Variants in DRG1 observed in about 807,000 individuals in gnomAD.
DRG1 encodes developmentally regulated GTP binding protein 1.
DRG1 carries 19 observed loss-of-function variants against 38.8 expected under a neutral mutation model. That is an observed-to-expected ratio of 0.49 (90% CI 0.34 to 0.72). The LOEUF (loss-of-function observed/expected upper bound fraction) is 0.72, where lower values mean the gene tolerates loss of function less well. DRG1 is among the 30% of genes least tolerant of loss of function. The pLI, the probability that DRG1 is intolerant of heterozygous loss-of-function variation, is 0.01. For synonymous variants in DRG1, 167 were observed against 157.5 expected (o/e 1.06, Z -0.45); for missense variants, 299 against 444.8 (o/e 0.67, Z 2.95).
At chr22:31,412,379 C>CA (rs2050022886) in intron 4 of DRG1, among the ~76,000 whole-genome samples, 1 of 127,610 alleles carries the variant, frequency 7.8e-6, no homozygotes, top group East Asian at 2.3e-4. Flanking sequence ...GAGATGGAGT[C>CA]TCGCTCTGTC....
At chr22:31,420,079 A>G (rs2050067725) in intron 4 of DRG1, among the ~76,000 whole-genome samples, 177 bp from the exon 5 acceptor site, 1 of 152,210 alleles carries the variant, frequency 6.6e-6, no homozygotes, top group African/African-American at 2.4e-5. Context: ...CATACAAAGC[A>G]AATTGACTTC....
At chr22:31,427,329 T>A in intron 8 of DRG1, 147 bp downstream of exon 8, 1 of 1,111,884 alleles carries the variant, frequency 9.0e-7, no homozygotes, top group Non-Finnish European at 1.2e-6. Flanking sequence ...AGTGTCTTCT[T>A]AAAACCGTGC....
In DRG1 at chr22:31,429,456, C is replaced by T. The variant is rs1176803025; in HGVS notation, c.1004+2274C>T. 2.0e-5 allele frequency among the ~76,000 whole-genome samples: 3 copies of T among 151,918 alleles called. 1 individual carries two copies. The highest frequency in any genetic ancestry group is 4.1e-4 in the South Asian group (2 of 4,826). On this transcript the variant is annotated intron_variant, in intron 8 of 8. Transcript: ENST00000331457. ...TTCTTTATTTTCCTTTTTTATTTTA[C>T]ATTTATTTATTGGACTTCTGTGTGT...
intron 5 of DRG1, among the ~76,000 whole-genome samples, chr22:31,422,079 C>A (rs1006593857): frequency 2.0e-5 from 3 of 151,272 alleles, no homozygotes; most frequent in Non-Finnish European, 2.9e-5. Flanking sequence ...CCACTGCACT[C>A]CAGCCTGGTG....
At chr22:31,424,513 T>TG (rs71202077) in intron 6 of DRG1, among the ~76,000 whole-genome samples, 1 of 108,954 alleles carries the variant, frequency 9.2e-6, no homozygotes, top group Non-Finnish European at 2.0e-5. Flanking sequence ...TTTTTTTTTT[T>TG]GTGAGACAAG....
chr22:31,413,079 G>A (rs1404018441), intron 4 of DRG1, among the ~76,000 whole-genome samples: 1 of 151,776 alleles, frequency 6.6e-6, no homozygotes, highest in African/African-American at 2.4e-5. Flanking sequence ...CTGGACTTCT[G>A]GGTTTATAAT....
intron 8 of DRG1, among the ~76,000 whole-genome samples, chr22:31,428,109 C>T (rs563126847): frequency 1.9e-4 from 29 of 152,302 alleles, no homozygotes; most frequent in Non-Finnish European, 3.2e-4. Context: ...GCTTCAGCCT[C>T]CCAAAGTGTT....
At chr22:31,410,882 C>A in intron 3 of DRG1, 130 bp from the exon 4 acceptor site, 1 of 882,302 alleles carries the variant, frequency 1.1e-6, no homozygotes, top group South Asian at 1.7e-5. Flanking sequence ...CACACACTCG[C>A]TTATAAGGAA....
At chr22:31,429,391 TAC>T (rs1174815596) in intron 8 of DRG1, among the ~76,000 whole-genome samples, 1 of 152,160 alleles carries the variant, frequency 6.6e-6, no homozygotes, top group Non-Finnish European at 1.5e-5. Context: ...GTGCTGGGAT[TAC>T]ACACAGGCAT....
chr22:31,430,119 T>C (rs549680584), intron 8 of DRG1, among the ~76,000 whole-genome samples: 2 of 152,306 alleles, frequency 1.3e-5, no homozygotes, highest in East Asian at 3.9e-4. Context: ...TTGCCTGCAC[T>C]AGCCCTGAAA....
At chr22:31,431,746 CA>C (rs2050140464) in intron 8 of DRG1, among the ~76,000 whole-genome samples, 3 of 152,170 alleles carry the variant, frequency 2.0e-5, no homozygotes, top group Admixed American at 2.0e-4. Flanking sequence ...TATTGACCTT[CA>C]GATCCTTACA....
chr22:31,433,270 G>A (rs569871793), intron 8 of DRG1, among the ~76,000 whole-genome samples: 15 of 137,156 alleles, frequency 1.1e-4, no homozygotes, highest in South Asian at 4.9e-4. Flanking sequence ...GATTAAAGAC[G>A]GATTTTTTTT....
intron 5 of DRG1, among the ~76,000 whole-genome samples, chr22:31,422,587 T>G (rs1469750669): frequency 6.6e-6 from 1 of 152,206 alleles, no homozygotes; most frequent in Non-Finnish European, 1.5e-5. Context: ...TCTGTCAGAA[T>G]TGAGGACTGA....
chr22:31,403,524 G>A (rs1215463942), intron 3 of DRG1, among the ~76,000 whole-genome samples: 1 of 151,990 alleles, frequency 6.6e-6, no homozygotes, highest in Non-Finnish European at 1.5e-5. Flanking sequence ...AAAATTAGCC[G>A]GGTGTAGTGG....
Position 31,420,286 on chromosome 22 carries a change from T to A in DRG1, c.443T>A (p.Val148Asp). 6.2e-7 allele frequency: 1 copy of A among 1,614,192 alleles called. No individual in the cohort carries two copies. The highest frequency in any genetic ancestry group is 8.5e-7 in the Non-Finnish European group (1 of 1,180,028). The stretch of plus-strand genomic sequence containing the variant: ...CGAACCTGTAACTTGATCTTGATTG[T>A]TCTGGATGTCCTGAAACCTTTGGGA... ...VARTCNLILI[V>D]LDVLKPLGHK... The change falls in exon 5 of 9, where the codon GTT becomes GAT. Residue 148 changes from valine (V) to aspartate (D), a missense_variant. By Grantham distance (152) the Val-to-Asp change is radical. This residue lies in a region of DRG1 where 198 missense variants were observed against 268.1 expected (regional missense o/e 0.74). Coordinates refer to ENST00000331457, the MANE Select transcript of DRG1 (RefSeq NM_004147.4).
intron 3 of DRG1, among the ~76,000 whole-genome samples, chr22:31,409,992 C>A (rs1034705370): frequency 2.0e-5 from 3 of 151,638 alleles, no homozygotes; most frequent in Admixed American, 6.6e-5. Flanking sequence ...GAGACTCCGT[C>A]TTTTAAAAAC....
chr22:31,404,678 G>A (rs2049980234), intron 3 of DRG1, among the ~76,000 whole-genome samples: 1 of 152,144 alleles, frequency 6.6e-6, no homozygotes, highest in Non-Finnish European at 1.5e-5. Flanking sequence ...CTAGAGTGCA[G>A]TGGCATGATC....
intron 3 of DRG1, among the ~76,000 whole-genome samples, chr22:31,408,595 TA>T (rs543089850): frequency 6.6e-6 from 1 of 150,438 alleles, no homozygotes; most frequent in Non-Finnish European, 1.5e-5. Context: ...TAAAAATACA[TA>T]AAAAAAATTG....
chr22:31,400,874 A>G, intron 2 of DRG1, 131 bp downstream of exon 2: 1 of 1,073,400 alleles, frequency 9.3e-7, no homozygotes, highest in Non-Finnish European at 1.3e-6. Context: ...GCATGCTGGG[A>G]GGCTGAGATA....
Sources: allele counts gnomAD v4.1 joint callset (sites outside exome capture counted in the v4.1 genomes callset), GRCh38; gene constraint gnomAD v4.1.1; regional missense constraint gnomAD v4.1.1; transcripts MANE v1.5; gene names NCBI Gene and HGNC (gene_info 2026-07-23, HGNC 2026-07-21).